The following ADSS2 variants were observed in gnomAD, a reference collection of about 807,000 sequenced individuals.
ADSS2 encodes the protein adenylosuccinate synthase 2.
ADSS2 carries 30 observed loss-of-function variants against 60.0 expected under a neutral mutation model. That is an observed-to-expected ratio of 0.50 (90% CI 0.37 to 0.68). The LOEUF is 0.68. ADSS2 is among the 30% of genes least tolerant of loss of function. ADSS2 has a pLI of 0.00. For synonymous variants in ADSS2, 187 were observed against 193.1 expected (o/e 0.97, Z 0.26); for missense variants, 373 against 554.8 (o/e 0.67, Z 3.29).
intron 7 of ADSS2, among the ~76,000 whole-genome samples, chr1:244,421,642 C>G (rs1375531915): frequency 6.6e-6 from 1 of 152,200 alleles, no homozygotes; most frequent in Non-Finnish European, 1.5e-5. Flanking sequence ...CATAGTTTGG[C>G]AAGTAAATAC....
At chr1:244,424,480 T>A in intron 4 of ADSS2, 93 bp from the exon 5 acceptor site, 2 of 995,788 alleles carry the variant, frequency 2.0e-6, no homozygotes, top group Non-Finnish European at 3.1e-6. Context: ...ATAAATCCCT[T>A]CAGCCTCATT....
At chr1:244,418,165 C>T (rs1664582341) in intron 9 of ADSS2, among the ~76,000 whole-genome samples, 1 of 152,098 alleles carries the variant, frequency 6.6e-6, no homozygotes, top group Non-Finnish European at 1.5e-5. Flanking sequence ...AGATCGAAAA[C>T]ATGCTCAAAT....
chr1:244,430,235 T>C (rs906318793), intron 4 of ADSS2, among the ~76,000 whole-genome samples: 2 of 152,218 alleles, frequency 1.3e-5, no homozygotes, highest in African/African-American at 4.8e-5. Flanking sequence ...ACTTTGTTGT[T>C]TTGTTTTGGT....
intron 12 of ADSS2, among the ~76,000 whole-genome samples, chr1:244,410,682 T>TA (rs142222364): frequency 0.011 from 1,652 of 151,956 alleles, 46 homozygotes; most frequent in African/African-American, 0.038. Flanking sequence ...GAGGATTTGT[T>TA]ATTAAGAGGG....
chr1:244,434,248 C>T (rs1467530246), intron 3 of ADSS2, among the ~76,000 whole-genome samples: 5 of 151,506 alleles, frequency 3.3e-5, no homozygotes, highest in Admixed American at 6.6e-5. Context: ...CCCAGCTACT[C>T]GGGAGGCCGA....
At chr1:244,443,392 A>G (rs1261596381) in intron 1 of ADSS2, among the ~76,000 whole-genome samples, 1 of 152,212 alleles carries the variant, frequency 6.6e-6, no homozygotes, top group Non-Finnish European at 1.5e-5. Flanking sequence ...TGTATATTCT[A>G]TATTACTTAA....
intron 12 of ADSS2, among the ~76,000 whole-genome samples, chr1:244,410,385 A>C (rs1664383830): frequency 6.6e-6 from 1 of 152,190 alleles, no homozygotes; most frequent in Non-Finnish European, 1.5e-5. Context: ...TACAAGGAAA[A>C]AGCCATCTGT....
intron 7 of ADSS2, 32 bp from the exon 8 acceptor site, chr1:244,420,328 T>C: frequency 1.3e-6 from 2 of 1,575,244 alleles, no homozygotes; most frequent in Non-Finnish European, 1.7e-6. Context: ...AATTTCCATG[T>C]ATACTAATAA....
chr1:244,423,834 TA>T (rs1664730639), intron 6 of ADSS2, 118 bp downstream of exon 6: 3 of 690,410 alleles, frequency 4.3e-6, no homozygotes, highest in Non-Finnish European at 7.1e-6. Flanking sequence ...ATTTCAAACC[TA>T]AAAAAGCCAA....
upstream of ADSS2, chr1:244,452,002 A>C (rs1396555172): frequency 3.6e-6 from 2 of 558,428 alleles, no homozygotes; most frequent in East Asian, 3.4e-5. Context: ...AGCCCGCTCA[A>C]GGGGGTACCA....
chr1:244,444,238 G>A (rs1027410548), intron 1 of ADSS2, among the ~76,000 whole-genome samples: 3 of 151,884 alleles, frequency 2.0e-5, no homozygotes, highest in Non-Finnish European at 2.9e-5. Flanking sequence ...AATACAGGCC[G>A]GGCGCGGTGG....
rs957922896 is a variant in ADSS2, at chr1:244,451,488, G to A, written c.183+147C>T. ...CCTCCCGCCATTTCTCCACGTAGCC[G>A]CAGCTCAGGACAGGAGGAGAGAGCC... On this transcript the variant is annotated intron_variant, in intron 1 of 12. Transcript: ENST00000366535. The surrounding 1 kb of genome is among the most constrained non-coding windows in gnomAD (Gnocchi z 6.6). The A allele has an allele frequency of 2.9e-5, 25 of 860,824 alleles. No individual in the cohort carries two copies. The African/African-American group carries it at 4.4e-4, about 15-fold the overall frequency. 53.3% of individuals were successfully genotyped at this position (860,824 alleles called of 1,614,324 possible).
At position 244,409,484 on chromosome 1, in the gene ADSS2, CT is replaced by C. The variant is rs1157754299; in HGVS notation, c.*101del. The C allele has an allele frequency of 4.4e-6, 4 of 914,026 alleles. No individual in the cohort carries two copies. Among genetic ancestry groups the C allele is most frequent in the Non-Finnish European group, 6.9e-6 (4 of 576,702 alleles). The allele number at this position is 914,026 out of a possible 1,614,324, so 56.6% of individuals were successfully genotyped here. ...AAACAACTGTAGGGCTTCAAACTTA[CT>C]TCAGTGTCTTTATTCTTGAATTTGC... On this transcript the variant is annotated 3_prime_UTR_variant, in exon 13 of 13. Transcript: ENST00000366535.
chr1:244,451,464 C>T lies in ADSS2; in HGVS notation c.183+171G>A, dbSNP rs1665596412. 6.6e-6 allele frequency among the ~76,000 whole-genome samples: 1 copy of T among 152,216 alleles called. No individual in the cohort carries two copies. Among genetic ancestry groups the T allele is most frequent in the South Asian group, 2.1e-4 (1 of 4,834 alleles). ...ACGCTCCAGGTCAGGGGTCCCCGACCTCCCGCCATTTCTCCACGTAGCCGC... is the reference window on the plus strand; with the variant it reads ...ACGCTCCAGGTCAGGGGTCCCCGACTTCCCGCCATTTCTCCACGTAGCCGC... On this transcript the variant is annotated intron_variant, in intron 1 of 12. Coordinates refer to ENST00000366535, the MANE Select transcript of ADSS2 (RefSeq NM_001126.5). The surrounding 1 kb of genome is among the most constrained non-coding windows in gnomAD (Gnocchi z 6.6).
At chr1:244,417,864 G>A (rs1308223122) in intron 9 of ADSS2, 112 bp from the exon 10 acceptor site, 11 of 994,022 alleles carry the variant, frequency 1.1e-5, no homozygotes, top group Non-Finnish European at 1.3e-5. Context: ...CATCTTTCAG[G>A]TAATAACTAA....
At chr1:244,450,845 T>C (rs1665550640) in intron 1 of ADSS2, among the ~76,000 whole-genome samples, 1 of 152,222 alleles carries the variant, frequency 6.6e-6, no homozygotes, top group Non-Finnish European at 1.5e-5. Flanking sequence ...CGATGTCACC[T>C]TAACAATGCA....
Position 244,451,543 on chromosome 1 carries a change from A to T in ADSS2, c.183+92T>A. ...GGTGACACCTCATTTTGGCCAGTGGATCCGGGTTCTGGGTCCGAGTTCCCG... is the reference window on the plus strand; with the variant it reads ...GGTGACACCTCATTTTGGCCAGTGGTTCCGGGTTCTGGGTCCGAGTTCCCG... On this transcript the variant is annotated intron_variant, in intron 1 of 12. Transcript: ENST00000366535. The surrounding 1 kb of genome is among the most constrained non-coding windows in gnomAD (Gnocchi z 6.6). The T allele has an allele frequency of 2.2e-6, 3 of 1,383,806 alleles. No individual in the cohort carries two copies. The highest frequency in any genetic ancestry group is 2.9e-6 in the Non-Finnish European group (3 of 1,033,058). 85.7% of individuals were successfully genotyped at this position (1,383,806 alleles called of 1,614,324 possible). A position where few individuals can be genotyped will look rare whatever the true frequency, so the allele number is the denominator to read the frequency against.
chr1:244,447,246 G>T (rs1470693419), intron 1 of ADSS2, among the ~76,000 whole-genome samples: 1 of 152,140 alleles, frequency 6.6e-6, no homozygotes, highest in African/African-American at 2.4e-5. Context: ...AAGATAGCTG[G>T]ATTCGTATCC....
chr1:244,438,886 C>T (rs570822488), intron 1 of ADSS2, among the ~76,000 whole-genome samples: 5 of 152,178 alleles, frequency 3.3e-5, no homozygotes, highest in African/African-American at 1.2e-4. Flanking sequence ...AGCATTTATC[C>T]TTTCATTGTG....
Sources: gnomAD v4.1 joint callset for allele counts (sites outside exome capture counted in the v4.1 genomes callset) on GRCh38, gnomAD v4.1.1 for gene constraint, Gnocchi (gnomAD v3.1) non-coding constraint, MANE v1.5 for transcripts, NCBI Gene and HGNC (gene_info 2026-07-23, HGNC 2026-07-21) for gene names.